Variants in ITCH observed in about 807,000 individuals in gnomAD.
ITCH encodes the protein E3 ubiquitin-protein ligase Itchy homolog.
ITCH carries 28 observed loss-of-function variants against 126.8 expected under a neutral mutation model. The observed-to-expected ratio is 0.22, with a 90% CI of 0.16 to 0.30. The LOEUF (loss-of-function observed/expected upper bound fraction) is 0.30. ITCH is among the 10% of genes least tolerant of loss of function. ITCH has a pLI of 1.00. For synonymous variants in ITCH, 342 were observed against 340.0 expected, an observed-to-expected ratio of 1.01 and a Z score of -0.06; for missense variants, 631 against 1,032.4, an observed-to-expected ratio of 0.61 and a Z score of 5.33.
chr20:34,433,435 T>C (rs976082256), intron 7 of ITCH, among the ~76,000 whole-genome samples: 1 of 152,206 alleles, frequency 6.6e-6, no homozygotes, highest in Non-Finnish European at 1.5e-5. Context: ...AATCACACTT[T>C]GGGAGGCCGA....
intron 11 of ITCH, 26 bp downstream of exon 11, chr20:34,445,487 T>C (rs1278418987): frequency 1.2e-6 from 2 of 1,606,186 alleles, no homozygotes; most frequent in Admixed American, 1.7e-5. Flanking sequence ...TTTAATAAAC[T>C]AATAAGAGTA....
At chr20:34,439,422 G>A (rs910230385) in intron 8 of ITCH, among the ~76,000 whole-genome samples, 1 of 152,086 alleles carries the variant, frequency 6.6e-6, no homozygotes, top group African/African-American at 2.4e-5. Context: ...ACAGTCATGA[G>A]CCACCAATGC....
chr20:34,465,022 A>G (rs1986920344), intron 14 of ITCH, among the ~76,000 whole-genome samples: 1 of 152,058 alleles, frequency 6.6e-6, no homozygotes, highest in African/African-American at 2.4e-5. Flanking sequence ...AGAGTTCTTT[A>G]ATTTTAGCTC....
At chr20:34,491,087 A>C (rs530591428) in intron 22 of ITCH, among the ~76,000 whole-genome samples, 1 of 152,170 alleles carries the variant, frequency 6.6e-6, no homozygotes, top group African/African-American at 2.4e-5. Flanking sequence ...AAAAATCATA[A>C]ATCGAACCAT....
intron 7 of ITCH, among the ~76,000 whole-genome samples, chr20:34,437,752 T>C (rs1357798973): frequency 6.6e-6 from 1 of 152,218 alleles, no homozygotes; most frequent in Non-Finnish European, 1.5e-5. Flanking sequence ...CTTATGCCCT[T>C]GTTTCTAATC....
At chr20:34,499,177 C>T (rs6059876) in intron 23 of ITCH, among the ~76,000 whole-genome samples, 66,540 of 148,272 alleles carry the variant, frequency 0.45, 15,347 homozygotes, top group Middle Eastern at 0.51. Context: ...GGTTTCACCG[C>T]GTTAGCCAGG....
At chr20:34,379,076 C>T (rs2037955458) in intron 2 of ITCH, among the ~76,000 whole-genome samples, 2 of 152,128 alleles carry the variant, frequency 1.3e-5, no homozygotes, top group South Asian at 4.1e-4. Flanking sequence ...AACCCTGCTG[C>T]TGCTGTTTTT....
intron 20 of ITCH, among the ~76,000 whole-genome samples, chr20:34,481,801 A>C (rs943032383): frequency 6.6e-6 from 1 of 152,192 alleles, no homozygotes; most frequent in African/African-American, 2.4e-5. Flanking sequence ...TCACAAGGTC[A>C]GGAGATTGAG....
chr20:34,416,386 G>A (rs576463544), intron 6 of ITCH, among the ~76,000 whole-genome samples: 12 of 152,284 alleles, frequency 7.9e-5, no homozygotes, highest in East Asian at 1.9e-4. Context: ...CAACAAGAGC[G>A]AAACTGGGTC....
At chr20:34,395,875 T>C (rs1388074364) in intron 3 of ITCH, among the ~76,000 whole-genome samples, 3 of 152,190 alleles carry the variant, frequency 2.0e-5, no homozygotes, top group Non-Finnish European at 4.4e-5. Context: ...GTTTCCACTT[T>C]TTGGATTTTA....
At chr20:34,383,236 G>A (rs1383269099) in intron 2 of ITCH, among the ~76,000 whole-genome samples, 1 of 151,820 alleles carries the variant, frequency 6.6e-6, no homozygotes, top group African/African-American at 2.4e-5. Flanking sequence ...TAGAGATAGT[G>A]TCTTGCTATG....
Position 34,445,323 on chromosome 20 carries a change from T to C in ITCH, c.1002T>C (p.Tyr334=). The C allele has an allele frequency of 6.2e-7, 1 of 1,613,716 alleles. No individual in the cohort carries two copies. Among genetic ancestry groups the C allele is most frequent in the Non-Finnish European group, 8.5e-7 (1 of 1,179,958 alleles). The change falls in exon 11 of 25, where the codon TAT becomes TAC. Residue 334 remains tyrosine (Y), a synonymous_variant. Coordinates refer to ENST00000374864, the MANE Select transcript of ITCH (RefSeq NM_031483.7). ...ERRVDNMGRI[Y]YVDHFTRTTT... ...GGGTTGACAACATGGGACGTATTTATTATGTTGACCATTTCACAAGAACAA... is the reference window on the plus strand; with the variant it reads ...GGGTTGACAACATGGGACGTATTTACTATGTTGACCATTTCACAAGAACAA...
At chr20:34,455,831 T>C (rs1985846436) in intron 12 of ITCH, among the ~76,000 whole-genome samples, 1 of 151,668 alleles carries the variant, frequency 6.6e-6, no homozygotes, top group Non-Finnish European at 1.5e-5. Context: ...GCAGGTAAAA[T>C]TTTGTAGACT....
At chr20:34,414,557 C>T (rs1979551731) in intron 6 of ITCH, among the ~76,000 whole-genome samples, 1 of 150,582 alleles carries the variant, frequency 6.6e-6, no homozygotes, top group Non-Finnish European at 1.5e-5. Flanking sequence ...ACCTCTGCCT[C>T]CTGGGTTCAA....
intron 16 of ITCH, among the ~76,000 whole-genome samples, chr20:34,472,084 T>A (rs957983287): frequency 1.3e-5 from 2 of 151,966 alleles, no homozygotes; most frequent in Non-Finnish European, 2.9e-5. Context: ...AGAACTTGAG[T>A]TAATTTACTC....
chr20:34,497,784 A>G (rs1283877201), intron 23 of ITCH, among the ~76,000 whole-genome samples: 1 of 152,066 alleles, frequency 6.6e-6, no homozygotes, highest in South Asian at 2.1e-4. Context: ...TCGCCATGTG[A>G]CTGGTCTGGT....
chr20:34,489,351 C>G lies in ITCH; in HGVS notation c.2179C>G (p.Gln727Glu). ...AGGCTTTAATGAAATTCTTCCCCAG[C>G]AATATTTGCAATACTTTGATGCAAA... ...FEGFNEILPQ[Q>E]YLQYFDAKEL... Residue 727 changes from glutamine (Q) to glutamate (E), a missense_variant, in exon 21 of 25, where the codon CAA (glutamine) becomes GAA (glutamate). Gln to Glu is a conservative substitution (Grantham distance 29). Around this residue, in one of 4 missense-constraint regions of ITCH, gnomAD observed 390 missense variants for 731.6 expected, o/e 0.53. Coordinates refer to ENST00000374864, the MANE Select transcript of ITCH (RefSeq NM_031483.7). 1 of 1,613,068 alleles carries G rather than the reference C, an allele frequency of 6.2e-7. No homozygotes were observed. The highest frequency in any genetic ancestry group is 8.5e-7 in the Non-Finnish European group (1 of 1,179,284).
intron 20 of ITCH, among the ~76,000 whole-genome samples, chr20:34,484,020 C>T (rs754276853): frequency 5.3e-5 from 8 of 152,154 alleles, no homozygotes; most frequent in Non-Finnish European, 7.3e-5. Context: ...GACTTATTCA[C>T]TATAATGAGA....
chr20:34,446,936 G>A (rs1984536882), intron 11 of ITCH, among the ~76,000 whole-genome samples: 1 of 152,066 alleles, frequency 6.6e-6, no homozygotes, highest in South Asian at 2.1e-4. Context: ...GTTTTTCTGA[G>A]GATTCTTTAA....
Sources: allele counts gnomAD v4.1 joint callset (sites outside exome capture counted in the v4.1 genomes callset), GRCh38; gene constraint gnomAD v4.1.1; regional missense constraint gnomAD v4.1.1; transcripts MANE v1.5; gene names NCBI Gene and HGNC (gene_info 2026-07-23, HGNC 2026-07-21).